GALNT17: variants seen among roughly 807,000 people sequenced by gnomAD.
GALNT17 encodes polypeptide N-acetylgalactosaminyltransferase 17, also known as UDP-GalNAc:polypeptide N-acetylgalactosaminyltransferase-like 3.
A neutral mutation model predicts 63.7 loss-of-function variants in GALNT17; 29 were observed. The ratio of observed to expected loss-of-function variants is 0.46; its 90% CI spans 0.34 to 0.62. The LOEUF is 0.62. Ranked by LOEUF, GALNT17 falls within the 20% of genes least tolerant of loss-of-function variation. The pLI, the probability that GALNT17 is intolerant of heterozygous loss-of-function variation, is 0.01. For synonymous variants in GALNT17, 305 were observed against 318.3 expected (o/e 0.96, Z 0.45); for missense variants, 603 against 799.6 (o/e 0.75, Z 2.97).
At chr7:71,220,448 T>C (rs35215409) in intron 1 of GALNT17, among the ~76,000 whole-genome samples, 54,507 of 152,014 alleles carry the variant, frequency 0.36, 10,269 homozygotes, top group South Asian at 0.53. Context: ...TGTACGTGAC[T>C]TTCATAACAT....
intron 1 of GALNT17, among the ~76,000 whole-genome samples, chr7:71,160,469 T>G (rs558536651): frequency 1.5e-4 from 23 of 152,340 alleles, no homozygotes; most frequent in African/African-American, 5.0e-4. Context: ...ATGAACATTT[T>G]TTTTTTGAGA....
At chr7:71,605,194 C>A (rs1464858368) in intron 6 of GALNT17, among the ~76,000 whole-genome samples, 1 of 152,150 alleles carries the variant, frequency 6.6e-6, no homozygotes, top group Admixed American at 6.6e-5. Context: ...GAAAATTACA[C>A]CGGATGCCAG....
At chr7:71,414,458 C>T (rs1793488962) in intron 3 of GALNT17, among the ~76,000 whole-genome samples, 1 of 152,130 alleles carries the variant, frequency 6.6e-6, no homozygotes, top group Non-Finnish European at 1.5e-5. Flanking sequence ...TAGGCCTTAT[C>T]CTTTTACTCC....
At chr7:71,341,776 G>A (rs1563017603) in intron 2 of GALNT17, among the ~76,000 whole-genome samples, 1 of 152,178 alleles carries the variant, frequency 6.6e-6, no homozygotes, top group African/African-American at 2.4e-5. Context: ...TTGTTTTGAG[G>A]AAGCTACTCA....
intron 5 of GALNT17, among the ~76,000 whole-genome samples, chr7:71,543,539 C>T (rs935748520): frequency 2.6e-4 from 40 of 152,066 alleles, no homozygotes; most frequent in Admixed American, 2.3e-3. Flanking sequence ...TCATGGGTCT[C>T]GTGCAAATTC....
chr7:71,518,628 G>A (rs1047587755), intron 5 of GALNT17, among the ~76,000 whole-genome samples: 12 of 152,158 alleles, frequency 7.9e-5, no homozygotes, highest in South Asian at 2.1e-4. Context: ...CAGAATAGCC[G>A]TATAGATTTT....
rs185168131 is a variant in GALNT17, at chr7:71,263,550, C to T, written c.239-72000C>T. Among the ~76,000 whole-genome samples, 295 of 152,288 alleles carry T rather than the reference C, an allele frequency of 1.9e-3. 1 individual carries two copies. The highest frequency in any genetic ancestry group is 2.7e-3 in the Non-Finnish European group (185 of 68,028). On this transcript the variant is annotated intron_variant, in intron 1 of 10. Coordinates refer to ENST00000333538, the MANE Select transcript of GALNT17 (RefSeq NM_022479.3). The stretch of plus-strand genomic sequence containing the variant: ...ACTTGCAGGAATTTACCTTTAGAGC[C>T]TCCTTGGGTTTTCCTTGCCTCTGAA...
chr7:71,475,520 G>A (rs183209647), intron 5 of GALNT17, among the ~76,000 whole-genome samples: 7 of 152,298 alleles, frequency 4.6e-5, no homozygotes, highest in African/African-American at 9.6e-5. Flanking sequence ...TGATCTGACA[G>A]CAGGTGGAGC....
At chr7:71,176,078 C>T (rs541165574) in intron 1 of GALNT17, among the ~76,000 whole-genome samples, 2 of 152,154 alleles carry the variant, frequency 1.3e-5, no homozygotes, top group African/African-American at 2.4e-5. Context: ...CAGCAAGGAT[C>T]TTATTTGGAG....
At chr7:71,262,810 A>T (rs1790410218) in intron 1 of GALNT17, among the ~76,000 whole-genome samples, 1 of 150,700 alleles carries the variant, frequency 6.6e-6, no homozygotes, top group Non-Finnish European at 1.5e-5. Flanking sequence ...CTCCCCAAGT[A>T]GCTGGGACCA....
intron 6 of GALNT17, among the ~76,000 whole-genome samples, chr7:71,649,443 T>G (rs530858341): frequency 3.3e-5 from 5 of 150,734 alleles, no homozygotes; most frequent in Middle Eastern, 3.4e-3. Flanking sequence ...TTTCAGGGGG[T>G]TTTTAAGAGG....
intron 1 of GALNT17, among the ~76,000 whole-genome samples, chr7:71,310,726 T>C (rs973739122): frequency 6.6e-6 from 1 of 152,230 alleles, no homozygotes; most frequent in Non-Finnish European, 1.5e-5. Flanking sequence ...TCCAGAATCT[T>C]TTCAGAAGAC....
chr7:71,479,659 G>T (rs1359392878), intron 5 of GALNT17, among the ~76,000 whole-genome samples: 1 of 152,072 alleles, frequency 6.6e-6, no homozygotes, highest in Admixed American at 6.6e-5. Context: ...AATGCCCAGA[G>T]ATTGTAAAAT....
intron 1 of GALNT17, chr7:71,284,348 T>G (rs1790833737): frequency 6.6e-6 from 1 of 152,478 alleles, no homozygotes; most frequent in South Asian, 2.1e-4. Flanking sequence ...AGGTGTGTGC[T>G]AGCACACCCG....
intron 6 of GALNT17, among the ~76,000 whole-genome samples, chr7:71,624,551 C>T (rs1303878351): frequency 6.6e-6 from 1 of 152,210 alleles, no homozygotes; most frequent in Non-Finnish European, 1.5e-5. Context: ...GTGTCATTCA[C>T]TGCTGTAGAG....
intron 5 of GALNT17, among the ~76,000 whole-genome samples, chr7:71,492,852 A>T (rs1476942295): frequency 6.6e-6 from 1 of 151,850 alleles, no homozygotes; most frequent in East Asian, 1.9e-4. Context: ...CTGGATGGAG[A>T]GTTTGGGGGT....
At chr7:71,284,883 CT>C (rs533114666) in intron 1 of GALNT17, among the ~76,000 whole-genome samples, 86 of 144,582 alleles carry the variant, frequency 5.9e-4, no homozygotes, top group Non-Finnish European at 6.7e-4. Context: ...AAGTTCTGAG[CT>C]TTTTTTTTTT....
intron 6 of GALNT17, among the ~76,000 whole-genome samples, chr7:71,644,088 G>C (rs1369984916): frequency 6.6e-6 from 1 of 152,084 alleles, no homozygotes; most frequent in Non-Finnish European, 1.5e-5. Context: ...ATTTATAAAA[G>C]AATAGGGTTC....
chr7:71,439,425 T>C (rs1055666813), intron 5 of GALNT17, among the ~76,000 whole-genome samples: 11 of 152,220 alleles, frequency 7.2e-5, no homozygotes, highest in African/African-American at 2.7e-4. Flanking sequence ...ACGCTGATAT[T>C]GCTGCTAGAT....
Sources: allele counts gnomAD v4.1 joint callset (sites outside exome capture counted in the v4.1 genomes callset), GRCh38; gene constraint gnomAD v4.1.1; transcripts MANE v1.5; gene names NCBI Gene and HGNC (gene_info 2026-07-23, HGNC 2026-07-21).